RNF180: variants seen among roughly 807,000 people sequenced by gnomAD.
The protein encoded by RNF180 is ring finger protein 180.
Under a neutral mutation model 59.2 loss-of-function variants are expected in RNF180, and 38 were observed. The observed-to-expected ratio is 0.64, with a 90% confidence interval of 0.50 to 0.84. The LOEUF (loss-of-function observed/expected upper bound fraction) is 0.84, where lower values mean the gene tolerates loss of function less well. RNF180 is among the 40% of genes least tolerant of loss of function. The pLI, the probability that RNF180 is intolerant of heterozygous loss-of-function variation, is 0.00. For missense variants in RNF180, 705 were observed against 700.9 expected (o/e 1.01, Z -0.07); for synonymous variants, 262 against 240.3 (o/e 1.09, Z -0.84).
chr5:64,233,086 T>C lies in RNF180; in HGVS notation c.1227+15690T>C, dbSNP rs183781095. The stretch of plus-strand genomic sequence containing the variant: ...TTTTGAGGCAGACACTGCACAGCAC[T>C]GGCAAAGGAATCATTTAGGTGAATT... On this transcript the variant is annotated intron_variant, in intron 5 of 7. Coordinates refer to ENST00000389100, the MANE Select transcript of RNF180 (RefSeq NM_001113561.2). Among the ~76,000 whole-genome samples, 507 of 152,322 alleles carry C rather than the reference T, an allele frequency of 3.3e-3. 5 individuals are homozygous for C. Among genetic ancestry groups the C allele is most frequent in the Non-Finnish European group, 1.4e-3 (93 of 68,022 alleles).
chr5:64,244,152 C>T (rs967819370), intron 5 of RNF180, among the ~76,000 whole-genome samples: 11 of 152,106 alleles, frequency 7.2e-5, no homozygotes, highest in Non-Finnish European at 8.8e-5. Context: ...GACAAAAAGG[C>T]TGAAAATTCC....
intron 5 of RNF180, among the ~76,000 whole-genome samples, chr5:64,219,666 A>C (rs1580038649): frequency 1.4e-5 from 2 of 146,660 alleles, no homozygotes; most frequent in South Asian, 2.1e-4. Flanking sequence ...AGCGCACGCC[A>C]CCACGCTCAG....
intron 2 of RNF180, among the ~76,000 whole-genome samples, chr5:64,202,958 C>T (rs1048530007): frequency 6.6e-6 from 1 of 152,214 alleles, no homozygotes; most frequent in Non-Finnish European, 1.5e-5. Context: ...TGCTCATAAC[C>T]TCCACACTCT....
At chr5:64,359,351 A>C (rs1276863968) in intron 7 of RNF180, among the ~76,000 whole-genome samples, 1 of 149,866 alleles carries the variant, frequency 6.7e-6, no homozygotes, top group East Asian at 2.0e-4. Flanking sequence ...ATGGTATCTC[A>C]TTGTGGTTTT....
At chr5:64,360,528 A>G (rs1025683560) in intron 7 of RNF180, among the ~76,000 whole-genome samples, 2 of 151,778 alleles carry the variant, frequency 1.3e-5, no homozygotes, top group African/African-American at 2.4e-5. Flanking sequence ...CACCACTCCT[A>G]TTCAACATAG....
intron 1 of RNF180, among the ~76,000 whole-genome samples, chr5:64,200,498 T>G (rs1247371037): frequency 1.3e-5 from 2 of 152,040 alleles, no homozygotes; most frequent in East Asian, 1.9e-4. Context: ...CTTATTGAAT[T>G]GACTCTACAG....
chr5:64,305,539 T>C (rs1234145840), intron 5 of RNF180, among the ~76,000 whole-genome samples: 1 of 151,544 alleles, frequency 6.6e-6, no homozygotes, highest in Non-Finnish European at 1.5e-5. Context: ...GGTGACAGTT[T>C]TACCATATGC....
At chr5:64,341,643 G>A (rs1481707631) in intron 7 of RNF180, among the ~76,000 whole-genome samples, 2 of 152,018 alleles carry the variant, frequency 1.3e-5, no homozygotes, top group Non-Finnish European at 2.9e-5. Context: ...CCATTTCTGC[G>A]AGACCTCATG....
rs541312734 is a variant in RNF180, at chr5:64,241,876, G to T, written c.1227+24480G>T. On this transcript the variant is annotated intron_variant, in intron 5 of 7. Transcript: ENST00000389100. ...AAGAGGGAAGTGAGCACAAGACTTT[G>T]CCATGGATGCTAACACCAGGCCCAC... 2.0e-5 allele frequency among the ~76,000 whole-genome samples: 3 copies of T among 152,258 alleles called. No homozygotes were observed. The South Asian group carries it at 6.2e-4, about 32-fold the overall frequency.
At chr5:64,217,986 TTTCTTTTAAGGG>T in intron 5 of RNF180, among the ~76,000 whole-genome samples, 1 of 152,270 alleles carries the variant, frequency 6.6e-6, no homozygotes, top group Middle Eastern at 3.4e-3. Context: ...GGTTATTTTC[TTTCTTTTAAGGG>T]TTCTTTATAT....
At chr5:64,270,649 A>G (rs1741345050) in intron 5 of RNF180, among the ~76,000 whole-genome samples, 2 of 152,142 alleles carry the variant, frequency 1.3e-5, no homozygotes, top group Admixed American at 1.3e-4. Flanking sequence ...AAAATCTAGT[A>G]AGTGGAAAAG....
chr5:64,205,249 A>G (rs1442054188), intron 2 of RNF180, among the ~76,000 whole-genome samples: 1 of 152,116 alleles, frequency 6.6e-6, no homozygotes, highest in Non-Finnish European at 1.5e-5. Flanking sequence ...TTTGAATTGT[A>G]AGGGAAACTG....
intron 5 of RNF180, among the ~76,000 whole-genome samples, chr5:64,298,436 T>C (rs1354272283): frequency 6.6e-6 from 1 of 151,998 alleles, no homozygotes; most frequent in Non-Finnish European, 1.5e-5. Context: ...AGGGGTCCAG[T>C]TTCAATTTTC....
intron 5 of RNF180, among the ~76,000 whole-genome samples, chr5:64,262,177 T>G (rs1744379629): frequency 6.6e-6 from 1 of 152,190 alleles, no homozygotes; most frequent in Admixed American, 6.6e-5. Flanking sequence ...CAAATTGCTT[T>G]AATCAAATAG....
At chr5:64,210,427 C>T (rs184085477) in intron 2 of RNF180, among the ~76,000 whole-genome samples, 1 of 152,120 alleles carries the variant, frequency 6.6e-6, no homozygotes, top group Non-Finnish European at 1.5e-5. Flanking sequence ...GTTTGGAACC[C>T]TAGGATTATC....
rs762116789 is a variant in RNF180 at position 64,213,687 on chromosome 5, G to A, written c.361G>A (p.Asp121Asn). The change falls in exon 4 of 8, where the codon GAT becomes AAT. Residue 121 changes from aspartate (D) to asparagine (N), a missense_variant. Asp to Asn is a conservative substitution (Grantham distance 23, BLOSUM62 1). Coordinates refer to ENST00000389100, the MANE Select transcript of RNF180 (RefSeq NM_001113561.2). ...AAVHLSKSRT[D>N]YQPTQAGRLM... The stretch of plus-strand genomic sequence containing the variant: ...TGTACATCTCTCCAAGAGCCGGACT[G>A]ATTATCAGCCAACACAGGCAGGCAG... 9 of 1,614,014 alleles carry A rather than the reference G, an allele frequency of 5.6e-6. No homozygotes were observed. The East Asian group carries it at 2.0e-4, about 36-fold the overall frequency.
In RNF180 at chr5:64,245,157, A is replaced by C. The variant is rs899682851; in HGVS notation, c.1227+27761A>C. Among the ~76,000 whole-genome samples the C allele has an allele frequency of 2.0e-4, 31 of 152,116 alleles. 1 individual carries two copies. The highest frequency in any genetic ancestry group is 2.0e-3 in the Admixed American group (30 of 15,236). ...AACATACCAAATTGTAAAGGCCATC[A>C]ACACTATGAAGAAACTGCAACAACT... On this transcript the variant is annotated intron_variant, in intron 5 of 7. Transcript: ENST00000389100.
intron 5 of RNF180, among the ~76,000 whole-genome samples, chr5:64,238,014 A>ATAGCAGTG (rs929074240): frequency 1.3e-5 from 2 of 152,162 alleles, no homozygotes; most frequent in African/African-American, 4.8e-5. Context: ...TAGTATCTTT[A>ATAGCAGTG]TAGCAGTGTG....
chr5:64,235,574 C>T (rs1388936263), intron 5 of RNF180, among the ~76,000 whole-genome samples: 1 of 151,688 alleles, frequency 6.6e-6, no homozygotes, highest in Non-Finnish European at 1.5e-5. Flanking sequence ...GATCCACCTA[C>T]AATTCCAAAG....
Sources: allele counts gnomAD v4.1 joint callset (sites outside exome capture counted in the v4.1 genomes callset), GRCh38; gene constraint gnomAD v4.1.1; transcripts MANE v1.5; gene names NCBI Gene and HGNC (gene_info 2026-07-23, HGNC 2026-07-21).